The following SLC4A4 variants were observed in gnomAD, a reference collection of about 807,000 sequenced individuals.
SLC4A4 encodes solute carrier family 4 member 4, also known as electrogenic sodium bicarbonate cotransporter 1.
In SLC4A4, 27 loss-of-function variants were observed where a neutral mutation model predicts 111.5. The observed-to-expected ratio is 0.24, with a 90% confidence interval of 0.18 to 0.33. SLC4A4 has a LOEUF of 0.33. Ranked by LOEUF, SLC4A4 falls within the 10% of genes least tolerant of loss-of-function variation. The probability of loss-of-function intolerance (pLI) is 1.00; values close to 1 mark genes in which losing one functional copy is unlikely to be tolerated. For missense variants in SLC4A4, 909 were observed against 1,315.5 expected, an observed-to-expected ratio of 0.69 and a Z score of 4.78; for synonymous variants, 443 against 463.4, an observed-to-expected ratio of 0.96 and a Z score of 0.57.
At chr4:71,199,986 A>G (rs1175041366) in intron 1 of SLC4A4, among the ~76,000 whole-genome samples, 2 of 152,162 alleles carry the variant, frequency 1.3e-5, no homozygotes, top group African/African-American at 2.4e-5. Flanking sequence ...AACAGCAGGA[A>G]AAAGCAGGTT....
chr4:71,088,161 G>A (rs2148938674), intron 1 of SLC4A4, among the ~76,000 whole-genome samples: 1 of 151,944 alleles, frequency 6.6e-6, no homozygotes, highest in East Asian at 1.9e-4. Flanking sequence ...ATTATGTAAT[G>A]ACCTTCTTTG....
chr4:71,409,301 T>C (rs1220070758), intron 7 of SLC4A4, among the ~76,000 whole-genome samples: 1 of 152,144 alleles, frequency 6.6e-6, no homozygotes, highest in East Asian at 1.9e-4. Context: ...TGTGGGAAAG[T>C]GTGGAACCTC....
At chr4:71,247,309 T>C (rs1218996075) in intron 2 of SLC4A4, among the ~76,000 whole-genome samples, 3 of 148,236 alleles carry the variant, frequency 2.0e-5, no homozygotes, top group Admixed American at 1.4e-4. Flanking sequence ...ATATTTTGCA[T>C]ATATGATATA....
chr4:71,533,143 A>T lies in SLC4A4; in HGVS notation c.2280+968A>T, dbSNP rs1008896769. Among the ~76,000 whole-genome samples the T allele has an allele frequency of 2.6e-5, 4 of 152,134 alleles. No individual in the cohort carries two copies. The South Asian group carries it at 8.3e-4, about 31-fold the overall frequency. ...TTAATAACTGCTTAATGAGGAAGGG[A>T]TATATATGTTATAACACACATTATT... On this transcript the variant is annotated intron_variant, in intron 17 of 25. Transcript: ENST00000264485.
At chr4:71,085,980 TA>T (rs1742156540) in intron 1 of SLC4A4, among the ~76,000 whole-genome samples, 1 of 152,074 alleles carries the variant, frequency 6.6e-6, no homozygotes, top group South Asian at 2.1e-4. Flanking sequence ...ATTGAATCTA[TA>T]AATGACCTTG....
chr4:71,241,389 T>C (rs1720210071), intron 2 of SLC4A4, among the ~76,000 whole-genome samples: 1 of 152,160 alleles, frequency 6.6e-6, no homozygotes, highest in South Asian at 2.1e-4. Context: ...TTTGTCTTTT[T>C]GGAAGTCAAG....
At chr4:71,154,179 A>G (rs1306231095) in intron 2 of SLC4A4, among the ~76,000 whole-genome samples, 3 of 152,208 alleles carry the variant, frequency 2.0e-5, no homozygotes, top group Admixed American at 2.0e-4. Flanking sequence ...CTTTGCCTCT[A>G]CAGACTTGAT....
chr4:71,536,474 A>G (rs1313146875), intron 18 of SLC4A4, among the ~76,000 whole-genome samples: 1 of 89,346 alleles, frequency 1.1e-5, no homozygotes, highest in East Asian at 6.2e-4. Context: ...ACATATATAT[A>G]TATATATATA....
intron 3 of SLC4A4, among the ~76,000 whole-genome samples, chr4:71,285,122 T>G (rs1578753056): frequency 1.3e-5 from 2 of 152,222 alleles, no homozygotes; most frequent in African/African-American, 4.8e-5. Context: ...GATGCCATTA[T>G]GTGCTCCATG....
intron 1 of SLC4A4, among the ~76,000 whole-genome samples, chr4:71,087,701 G>A (rs1343180170): frequency 2.0e-5 from 3 of 152,100 alleles, no homozygotes; most frequent in Non-Finnish European, 4.4e-5. Flanking sequence ...CAGTTTCCAT[G>A]TAGTTGAGCG....
At position 71,339,446 on chromosome 4, in the gene SLC4A4, G is replaced by T. The variant is rs772559707; in HGVS notation, c.330G>T (p.Thr110=). The T allele has an allele frequency of 6.2e-7, 1 of 1,613,974 alleles. No homozygotes were observed. The highest frequency in any genetic ancestry group is 8.5e-7 in the Non-Finnish European group (1 of 1,180,034). The change falls in exon 4 of 26, where the codon ACG becomes ACT. Residue 110 remains threonine (T), a synonymous_variant. Coordinates refer to ENST00000264485, the MANE Select transcript of SLC4A4 (RefSeq NM_001098484.3). The stretch of plus-strand genomic sequence containing the variant: ...GCCCAGCTCCCCCTCAGCTCTTCAC[G>T]GAACTGGATGAGCTGCTGGCCGTGG... ...DDSPAPPQLF[T]ELDELLAVDG... is the part of the protein sequence containing the mutation.
chr4:71,257,321 T>A (rs1168127156), intron 3 of SLC4A4, among the ~76,000 whole-genome samples: 1 of 152,174 alleles, frequency 6.6e-6, no homozygotes, highest in Non-Finnish European at 1.5e-5. Flanking sequence ...CATAAAAAAA[T>A]TATTTATAAG....
At chr4:71,540,441 TAAAA>T (rs1734934973) in intron 18 of SLC4A4, among the ~76,000 whole-genome samples, 1 of 152,214 alleles carries the variant, frequency 6.6e-6, no homozygotes. Flanking sequence ...TCCTTGTACT[TAAAA>T]TAATCTCCAG....
chr4:71,167,642 A>G (rs1744815380), intron 2 of SLC4A4, among the ~76,000 whole-genome samples: 1 of 152,246 alleles, frequency 6.6e-6, no homozygotes, highest in Non-Finnish European at 1.5e-5. Context: ...ATTATTTATT[A>G]GAATTGGATG....
At chr4:71,202,939 T>C (rs1030205223) in intron 1 of SLC4A4, among the ~76,000 whole-genome samples, 9 of 151,070 alleles carry the variant, frequency 6.0e-5, no homozygotes, top group Non-Finnish European at 1.2e-4. Context: ...ACTTTTGTTA[T>C]GTGAGCCAAG....
intron 1 of SLC4A4, among the ~76,000 whole-genome samples, chr4:71,091,583 T>G (rs889133477): frequency 3.3e-5 from 5 of 152,036 alleles, no homozygotes; most frequent in Non-Finnish European, 7.4e-5. Context: ...ATTAATCCTG[T>G]GGATGAACTG....
chr4:71,311,664 C>T (rs1726177131), intron 3 of SLC4A4, among the ~76,000 whole-genome samples: 1 of 152,164 alleles, frequency 6.6e-6, no homozygotes, highest in Non-Finnish European at 1.5e-5. Flanking sequence ...ATACTGGAAT[C>T]TCTGGGACAC....
intron 17 of SLC4A4, 51 bp from the exon 18 acceptor site, chr4:71,534,176 G>A (rs1461696821): frequency 6.4e-7 from 1 of 1,554,624 alleles, no homozygotes; most frequent in Admixed American, 1.7e-5. Flanking sequence ...TCACCAAATA[G>A]TATATATTAA....
chr4:71,453,584 C>T lies in SLC4A4; in HGVS notation c.1412C>T (p.Ser471Leu), dbSNP rs1725958418. ...GATGCTTTAAATATTCAAGCTCTTT[C>T]GGCAATTCTCTTCATTTATCTGGCA... ...FYDALNIQAL[S>L]AILFIYLATV... Residue 471 changes from serine to leucine, a missense_variant, in exon 12 of 26, where the codon TCG (serine) becomes TTG (leucine). Ser to Leu is a moderately radical substitution (Grantham distance 145). Coordinates refer to ENST00000264485, the MANE Select transcript of SLC4A4 (RefSeq NM_001098484.3). 2 of 1,613,856 alleles carry T rather than the reference C, an allele frequency of 1.2e-6. No individual in the cohort carries two copies. Among genetic ancestry groups the T allele is most frequent in the Non-Finnish European group, 1.7e-6 (2 of 1,179,832 alleles).
Sources: allele counts gnomAD v4.1 joint callset (sites outside exome capture counted in the v4.1 genomes callset), GRCh38; gene constraint gnomAD v4.1.1; transcripts MANE v1.5; gene names NCBI Gene and HGNC (gene_info 2026-07-23, HGNC 2026-07-21).